Variants in ZDHHC2 observed in about 807,000 individuals in gnomAD.
The protein encoded by ZDHHC2 is zDHHC palmitoyltransferase 2.
A neutral mutation model predicts 55.6 loss-of-function variants in ZDHHC2; 51 were observed. That is an observed-to-expected ratio of 0.92 (90% CI 0.73 to 1.16). The LOEUF (loss-of-function observed/expected upper bound fraction) is 1.16, where lower values mean the gene tolerates loss of function less well. ZDHHC2 is among the 50% of genes most tolerant of loss of function. The pLI, the probability that ZDHHC2 is intolerant of heterozygous loss-of-function variation, is 0.00. For missense variants in ZDHHC2, 491 were observed against 442.4 expected (o/e 1.11, Z -0.99); for synonymous variants, 199 against 152.9 (o/e 1.30, Z -2.22).
chr8:17,184,858 T>C (rs1308552735), intron 2 of ZDHHC2, 43 bp downstream of exon 2: 1 of 1,479,326 alleles, frequency 6.8e-7, no homozygotes, highest in Non-Finnish European at 9.1e-7. Flanking sequence ...TTAAATAGTT[T>C]GAAAAAAAAT....
At chr8:17,199,476 T>TTCG (rs1487725601) in intron 6 of ZDHHC2, among the ~76,000 whole-genome samples, 61 of 33,132 alleles carry the variant, frequency 1.8e-3, no homozygotes, top group Middle Eastern at 0.017. Flanking sequence ...CTTCTTCTTC[T>TTCG]TCTTCTTCTT....
rs543918381 is a variant in ZDHHC2, at chr8:17,223,258, A to G, written c.*3037A>G. The G allele has an allele frequency of 2.6e-5, 4 of 152,014 alleles. No individual in the cohort carries two copies. Among genetic ancestry groups the G allele is most frequent in the African/African-American group, 9.6e-5 (4 of 41,562 alleles). 9.4% of individuals were successfully genotyped at this position (152,014 alleles called of 1,614,324 possible). ...GTGATGGTTCTGATACCTTTGATCA[A>G]ACATAGATACAAACCTCAGAAAATG... On this transcript the variant is annotated 3_prime_UTR_variant, in exon 13 of 13. Transcript: ENST00000262096.
intron 11 of ZDHHC2, among the ~76,000 whole-genome samples, chr8:17,216,780 A>G (rs1039136827): frequency 1.3e-5 from 2 of 152,110 alleles, no homozygotes; most frequent in African/African-American, 2.4e-5. Context: ...GATGTATAGG[A>G]AGGAAAAGAA....
Position 17,184,124 on chromosome 8 carries a change from C to A in ZDHHC2, c.131-665C>A, listed in dbSNP as rs145940150. Among the ~76,000 whole-genome samples the A allele has an allele frequency of 2.6e-5, 4 of 152,238 alleles. No individual in the cohort carries two copies. In the East Asian group the frequency reaches 7.7e-4, roughly 29 times the overall value. ...GAAAACAAATAGACAATACAAAAGG[C>A]GTACATATGTCTTGATTACTAAATA... On this transcript the variant is annotated intron_variant, in intron 1 of 12. Transcript: ENST00000262096.
chr8:17,156,816 C>T lies in ZDHHC2; in HGVS notation c.93C>T (p.Gly31=), dbSNP rs999468407. The change falls in exon 1 of 13, where the codon GGC becomes GGT. Residue 31 remains glycine, a synonymous_variant. Coordinates refer to ENST00000262096, the MANE Select transcript of ZDHHC2 (RefSeq NM_016353.5). The part of the protein sequence containing the change: ...IPVVFITLLL[G]WSYYAYAIQL... Reference sequence around the variant, plus strand: ...TGGTGTTCATCACCCTCCTGCTCGGCTGGTCCTACTACGCCTACGCCATCC... The same window carrying T: ...TGGTGTTCATCACCCTCCTGCTCGGTTGGTCCTACTACGCCTACGCCATCC... 20 of 1,521,376 alleles carry T rather than the reference C, an allele frequency of 1.3e-5. No individual in the cohort carries two copies. The African/African-American group carries it at 2.7e-4, about 21-fold the overall frequency. The allele number at this position is 1,521,376 out of a possible 1,614,324, so 94.2% of individuals were successfully genotyped here. A position where few individuals can be genotyped will look rare whatever the true frequency, so the allele number is the denominator to read the frequency against.
At chr8:17,165,089 G>C (rs1045418677) in intron 1 of ZDHHC2, among the ~76,000 whole-genome samples, 3 of 152,166 alleles carry the variant, frequency 2.0e-5, no homozygotes, top group African/African-American at 7.2e-5. Context: ...ATTTTGGTAG[G>C]AAAGACAGTC....
chr8:17,197,696 T>G (rs1280381043), intron 5 of ZDHHC2, 45 bp downstream of exon 5: 1 of 1,520,206 alleles, frequency 6.6e-7, no homozygotes, highest in East Asian at 2.3e-5. Flanking sequence ...GCTGGTGGTC[T>G]TTTTCTTCAT....
chr8:17,210,085 T>G, intron 9 of ZDHHC2, 27 bp downstream of exon 9: 1 of 1,569,406 alleles, frequency 6.4e-7, no homozygotes, highest in Non-Finnish European at 8.6e-7. Context: ...ATTTTCAGGC[T>G]TTAAACTAAT....
chr8:17,200,077 C>T (rs1229251078), intron 6 of ZDHHC2, among the ~76,000 whole-genome samples: 1 of 152,174 alleles, frequency 6.6e-6, no homozygotes, highest in Non-Finnish European at 1.5e-5. Flanking sequence ...ATTCTCCTTA[C>T]ATTCATTTGT....
At chr8:17,199,494 T>TTCGTCTTCG (rs1488337763) in intron 6 of ZDHHC2, among the ~76,000 whole-genome samples, 15 of 105,500 alleles carry the variant, frequency 1.4e-4, no homozygotes, top group African/African-American at 4.6e-4. Flanking sequence ...CTTCTTCTTC[T>TTCGTCTTCG]TCTTCTTCTT....
intron 1 of ZDHHC2, among the ~76,000 whole-genome samples, chr8:17,177,169 A>G (rs1312337198): frequency 1.3e-5 from 2 of 152,190 alleles, no homozygotes; most frequent in East Asian, 1.9e-4. Context: ...GAGCATAATT[A>G]ATTCTGTTAG....
intron 6 of ZDHHC2, among the ~76,000 whole-genome samples, chr8:17,199,597 T>TC (rs771964019): frequency 8.6e-4 from 44 of 51,130 alleles, no homozygotes; most frequent in South Asian, 2.7e-3. Flanking sequence ...TCTTTCTTCT[T>TC]CTTTATTCTT....
chr8:17,159,854 T>A (rs1804247960), intron 1 of ZDHHC2, among the ~76,000 whole-genome samples: 1 of 152,194 alleles, frequency 6.6e-6, no homozygotes, highest in South Asian at 2.1e-4. Context: ...CCCTCCATCC[T>A]TTCCTTCTCT....
intron 6 of ZDHHC2, among the ~76,000 whole-genome samples, chr8:17,202,812 A>AAAAT (rs536312346): frequency 6.6e-6 from 1 of 151,902 alleles, no homozygotes; most frequent in Non-Finnish European, 1.5e-5. Context: ...ATTAAACTCT[A>AAAAT]AAATATATGG....
intron 3 of ZDHHC2, among the ~76,000 whole-genome samples, chr8:17,188,505 T>C (rs1805844736): frequency 6.6e-6 from 1 of 152,182 alleles, no homozygotes; most frequent in Non-Finnish European, 1.5e-5. Context: ...ATGGAAATAA[T>C]ATATTTATTT....
rs1355429660 is a variant in ZDHHC2 at position 17,199,616 on chromosome 8, T to TTCC, written c.476+1205_476+1206insCTC. Among the ~76,000 whole-genome samples, 46 of 53,632 alleles carry TTCC rather than the reference T, an allele frequency of 8.6e-4. 2 individuals carry two copies. The highest frequency in any genetic ancestry group is 1.7e-3 in the African/African-American group (45 of 26,284). 35.2% of individuals were successfully genotyped at this position (53,632 alleles called of 152,430 possible). On this transcript the variant is annotated intron_variant, in intron 6 of 12. Transcript: ENST00000262096. ...TCTTCTTCTTTATTCTTTCTTCTTCTTCTTCTTCCTTTCTTCTTCTTCTCC... is the reference window on the plus strand; with the variant it reads ...TCTTCTTCTTTATTCTTTCTTCTTCTTCCTCTTCTTCCTTTCTTCTTCTTCTCC...
intron 8 of ZDHHC2, among the ~76,000 whole-genome samples, chr8:17,208,628 A>G (rs1462195613): frequency 1.3e-5 from 2 of 152,172 alleles, no homozygotes; most frequent in Non-Finnish European, 1.5e-5. Flanking sequence ...AGGATTAATT[A>G]CAGTGGGTAG....
chr8:17,164,142 GATA>G (rs1585640796), intron 1 of ZDHHC2, among the ~76,000 whole-genome samples: 1 of 152,150 alleles, frequency 6.6e-6, no homozygotes, highest in East Asian at 1.9e-4. Flanking sequence ...CTTTCAAAAT[GATA>G]ATATCACACT....
chr8:17,195,151 T>C (rs1212054112), intron 3 of ZDHHC2, among the ~76,000 whole-genome samples: 1 of 152,218 alleles, frequency 6.6e-6, no homozygotes, highest in East Asian at 1.9e-4. Flanking sequence ...AATTTATTCA[T>C]TGAGTTATGT....
Sources: allele counts gnomAD v4.1 joint callset (sites outside exome capture counted in the v4.1 genomes callset), GRCh38; gene constraint gnomAD v4.1.1; transcripts MANE v1.5; gene names NCBI Gene and HGNC (gene_info 2026-07-23, HGNC 2026-07-21).